The following ZDHHC21 variants were observed in gnomAD, a reference collection of about 807,000 sequenced individuals.
The protein encoded by ZDHHC21 is zDHHC palmitoyltransferase 21.
Under a neutral mutation model 34.6 loss-of-function variants are expected in ZDHHC21, and 15 were observed. The observed-to-expected ratio is 0.43, with a 90% CI of 0.29 to 0.67. ZDHHC21 has a LOEUF of 0.67. Among genes scored for constraint, ZDHHC21 ranks in the 30% least tolerant of loss-of-function variants. The probability of loss-of-function intolerance (pLI) is 0.14; values close to 1 mark genes in which losing one functional copy is unlikely to be tolerated. For synonymous variants in ZDHHC21, 142 were observed against 101.8 expected (o/e 1.40, Z -2.38); for missense variants, 344 against 327.7 (o/e 1.05, Z -0.38).
At chr9:14,671,746 T>C (rs1004393147) in intron 5 of ZDHHC21, among the ~76,000 whole-genome samples, 4 of 152,220 alleles carry the variant, frequency 2.6e-5, no homozygotes, top group South Asian at 2.1e-4. Context: ...GTTACACAAC[T>C]GTGGGCATAC....
At chr9:14,599,941 G>A in the ZDHHC21 span, among the ~76,000 whole-genome samples, 1 of 152,138 alleles carries the variant, frequency 6.6e-6, no homozygotes, top group Non-Finnish European at 1.5e-5. Flanking sequence ...AAAGGCCTTA[G>A]ATAAATTTCA....
intron 8 of ZDHHC21, among the ~76,000 whole-genome samples, chr9:14,621,458 A>G (rs1825293133): frequency 6.6e-6 from 1 of 152,098 alleles, no homozygotes; most frequent in African/African-American, 2.4e-5. Context: ...AGTGTTTTTG[A>G]TACCTTTCTT....
Position 14,631,200 on chromosome 9 carries a change from T to C in ZDHHC21, c.621+8696A>G, listed in dbSNP as rs549661145. On this transcript the variant is annotated intron_variant, in intron 8 of 9. Transcript: ENST00000380916. The stretch of plus-strand genomic sequence containing the variant: ...ACCTTGATTAATCATCTTAGATCTT[T>C]TGGATAATTTGTTGCAACTTCTACA... Among the ~76,000 whole-genome samples the C allele has an allele frequency of 3.9e-5, 6 of 152,354 alleles. No homozygotes were observed. The South Asian group carries it at 6.2e-4, about 16-fold the overall frequency.
intron 5 of ZDHHC21, among the ~76,000 whole-genome samples, chr9:14,669,629 A>G (rs945041796): frequency 2.1e-5 from 3 of 144,218 alleles, no homozygotes; most frequent in African/African-American, 7.7e-5. Flanking sequence ...GATAGACTGG[A>G]TTAAGAAAAT....
At chr9:14,659,146 C>A (rs1832900098) in intron 6 of ZDHHC21, among the ~76,000 whole-genome samples, 2 of 152,104 alleles carry the variant, frequency 1.3e-5, no homozygotes, top group African/African-American at 4.8e-5. Flanking sequence ...ACAGGAAGAG[C>A]AGACGGTAGT....
intron 7 of ZDHHC21, among the ~76,000 whole-genome samples, chr9:14,650,606 T>C (rs1831074025): frequency 6.6e-6 from 1 of 151,980 alleles, no homozygotes; most frequent in Non-Finnish European, 1.5e-5. Flanking sequence ...TTAAAATAAA[T>C]TATGAAAAGA....
intron 5 of ZDHHC21, among the ~76,000 whole-genome samples, chr9:14,669,642 G>A (rs1238768282): frequency 1.4e-5 from 2 of 143,246 alleles, no homozygotes; most frequent in East Asian, 4.1e-4. Context: ...AAGAAAATGT[G>A]GCACATATAC....
chr9:14,599,679 A>G, the ZDHHC21 span, among the ~76,000 whole-genome samples: 1 of 152,082 alleles, frequency 6.6e-6, no homozygotes, highest in Non-Finnish European at 1.5e-5. Flanking sequence ...ACCCCCACAG[A>G]GCCCAGCAAG....
chr9:14,688,350 A>G (rs2131690455), intron 2 of ZDHHC21, among the ~76,000 whole-genome samples: 1 of 151,024 alleles, frequency 6.6e-6, no homozygotes, highest in Non-Finnish European at 1.5e-5. Flanking sequence ...AGGGAAAGTG[A>G]AAGATAAGTT....
At chr9:14,658,603 C>G (rs923386920) in intron 7 of ZDHHC21, 146 bp downstream of exon 7, 1 of 503,084 alleles carries the variant, frequency 2.0e-6, no homozygotes, top group Non-Finnish European at 3.4e-6. Context: ...TCCCGAGTAG[C>G]TGGGACTACA....
chr9:14,640,538 C>G (rs1388856658), intron 7 of ZDHHC21, among the ~76,000 whole-genome samples: 1 of 152,102 alleles, frequency 6.6e-6, no homozygotes, highest in Non-Finnish European at 1.5e-5. Context: ...AAGTACAGCT[C>G]TCTTCAAGCC....
At chr9:14,599,662 G>C in the ZDHHC21 span, among the ~76,000 whole-genome samples, 1 of 151,954 alleles carries the variant, frequency 6.6e-6, no homozygotes, top group African/African-American at 2.4e-5. Flanking sequence ...ATAGCTCAGT[G>C]AATCACACCC....
At chr9:14,606,839 A>C (rs1279252881), downstream of ZDHHC21, among the ~76,000 whole-genome samples, 1 of 152,102 alleles carries the variant, frequency 6.6e-6, no homozygotes, top group Non-Finnish European at 1.5e-5. Context: ...AAGAATACAC[A>C]AGAGAAAAAA....
intron 7 of ZDHHC21, among the ~76,000 whole-genome samples, chr9:14,643,002 G>T (rs1564269353): frequency 6.6e-6 from 1 of 152,170 alleles, no homozygotes; most frequent in Non-Finnish European, 1.5e-5. Flanking sequence ...ACTTTGGGAG[G>T]CCAAGGTGGG....
At chr9:14,649,004 C>T (rs1307216715) in intron 7 of ZDHHC21, among the ~76,000 whole-genome samples, 5 of 151,860 alleles carry the variant, frequency 3.3e-5, no homozygotes, top group African/African-American at 1.2e-4. Context: ...TACTGACACT[C>T]GGCTGGATAA....
chr9:14,664,163 G>A (rs60201601), intron 5 of ZDHHC21, among the ~76,000 whole-genome samples: 8,491 of 152,064 alleles, frequency 0.056, 280 homozygotes, highest in Admixed American at 0.12. Context: ...CACCGTGCGC[G>A]AGCCGAAGCA....
intron 7 of ZDHHC21, among the ~76,000 whole-genome samples, chr9:14,642,338 A>AT (rs1202647936): frequency 6.6e-6 from 1 of 152,102 alleles, no homozygotes; most frequent in Non-Finnish European, 1.5e-5. Flanking sequence ...TCTGTCTTAG[A>AT]TTTTTTTAGA....
intron 8 of ZDHHC21, among the ~76,000 whole-genome samples, chr9:14,629,840 C>T (rs998311870): frequency 1.3e-5 from 2 of 151,950 alleles, no homozygotes; most frequent in Non-Finnish European, 2.9e-5. Context: ...TGAGGTCAAG[C>T]GATCGATACC....
intron 3 of ZDHHC21, chr9:14,677,547 T>C (rs182014380): frequency 2.0e-5 from 3 of 152,024 alleles, no homozygotes; most frequent in African/African-American, 7.2e-5. Flanking sequence ...ATTCATAAAA[T>C]ACTTTCATTA....
Sources: allele counts gnomAD v4.1 joint callset (sites outside exome capture counted in the v4.1 genomes callset), GRCh38; gene constraint gnomAD v4.1.1; transcripts MANE v1.5; gene names NCBI Gene and HGNC (gene_info 2026-07-23, HGNC 2026-07-21).